Variants in SLIT1 observed in about 807,000 individuals in gnomAD.
The protein encoded by SLIT1 is slit guidance ligand 1.
Under a neutral mutation model 186.1 loss-of-function variants are expected in SLIT1, and 66 were observed. The observed-to-expected ratio is 0.35, with a 90% CI of 0.29 to 0.44. The LOEUF (loss-of-function observed/expected upper bound fraction) is 0.44, where lower values mean the gene tolerates loss of function less well. Ranked by LOEUF, SLIT1 falls within the 20% of genes least tolerant of loss-of-function variation. The pLI is 1.00. For synonymous variants in SLIT1, 761 were observed against 833.8 expected (o/e 0.91, Z 1.50); for missense variants, 1,638 against 2,037.4 (o/e 0.80, Z 3.77).
chr10:97,032,682 A>G (rs568907271), intron 23 of SLIT1, among the ~76,000 whole-genome samples: 1 of 152,326 alleles, frequency 6.6e-6, no homozygotes, highest in South Asian at 2.1e-4. Flanking sequence ...GAATCCATCC[A>G]GGGCAGACAG....
chr10:97,043,543 A>G lies in SLIT1; in HGVS notation c.1854-30T>C. The G allele has an allele frequency of 6.3e-7, 1 of 1,599,338 alleles. No individual in the cohort carries two copies. The highest frequency in any genetic ancestry group is 8.5e-7 in the Non-Finnish European group (1 of 1,171,512). ...GGAGGAACGGGGGAGGGAGGAGGGGACCCTTGCTGCCCTGCCAGCCATCCA... is the reference window on the plus strand; with the variant it reads ...GGAGGAACGGGGGAGGGAGGAGGGGGCCCTTGCTGCCCTGCCAGCCATCCA... On this transcript the variant is annotated intron_variant, in intron 18 of 36. Transcript: ENST00000266058. This position sits in a 1 kb window ranked among gnomAD's most constrained non-coding sequence, Gnocchi z 7.0.
intron 4 of SLIT1, among the ~76,000 whole-genome samples, chr10:97,148,559 C>T (rs1231496478): frequency 3.3e-5 from 5 of 152,144 alleles, no homozygotes; most frequent in African/African-American, 9.7e-5. Flanking sequence ...GGATTATAAG[C>T]GTGAGCCACC....
rs1314096438 is a variant in SLIT1 at position 97,142,771 on chromosome 10, C to CA, written c.413+15046dup. Among the ~76,000 whole-genome samples the CA allele has an allele frequency of 2.1e-4, 32 of 151,812 alleles. No individual in the cohort carries two copies. In the East Asian group the frequency reaches 2.1e-3, roughly 10 times the overall value. On this transcript the variant is annotated intron_variant, in intron 4 of 36. Transcript: ENST00000266058. ...ACAAAGAACTGCTGCAACTTAACAACAAAAAAAATCAAACAACCCAATTAA... is the reference window on the plus strand; with the variant it reads ...ACAAAGAACTGCTGCAACTTAACAACAAAAAAAAATCAAACAACCCAATTAA...
At chr10:97,169,973 C>T (rs1293190490) in intron 1 of SLIT1, among the ~76,000 whole-genome samples, 1 of 152,258 alleles carries the variant, frequency 6.6e-6, no homozygotes, top group African/African-American at 2.4e-5. Context: ...TGTTGCTGGA[C>T]TCTCCCTTTG....
At position 97,004,109 on chromosome 10, in the gene SLIT1, T is replaced by G; in HGVS notation, c.3824A>C (p.Lys1275Thr). 3.7e-6 allele frequency: 6 copies of G among 1,613,716 alleles called. No homozygotes were observed. The highest frequency in any genetic ancestry group is 5.1e-6 in the Non-Finnish European group (6 of 1,179,616). The part of the protein sequence containing the change: ...GSPMTMDNFG[K>T]HYTLNSEAPL... ...CGCCTCGCTGTTGAGCGTGTAATGT[T>G]TGCCAAAGTTGTCCATGGTCATGGG... The change falls in exon 34 of 37, where the codon AAA becomes ACA. Residue 1275 changes from lysine to threonine, a missense_variant. Around this residue, in one of 3 missense-constraint regions of SLIT1, gnomAD observed 173 missense variants for 290.9 expected, o/e 0.59. Transcript: ENST00000266058. The surrounding 1 kb of genome is among the most constrained non-coding windows in gnomAD (Gnocchi z 5.1).
chr10:97,031,702 G>A (rs1848592676), intron 23 of SLIT1, 25 bp from the exon 24 acceptor site: 1 of 1,543,070 alleles, frequency 6.5e-7, no homozygotes, highest in Non-Finnish European at 8.8e-7. Flanking sequence ...GATGGAGGAA[G>A]GGCACTGTGT....
rs368350713 is a variant in SLIT1, at chr10:97,018,721, C to T, written c.2872-38G>A. The T allele has an allele frequency of 3.6e-6, 5 of 1,401,274 alleles. No homozygotes were observed. The African/African-American group carries it at 7.1e-5, about 20-fold the overall frequency. The allele number at this position is 1,401,274 out of a possible 1,614,324, so 86.8% of individuals were successfully genotyped here. On this transcript the variant is annotated intron_variant, in intron 27 of 36. Transcript: ENST00000266058. The stretch of plus-strand genomic sequence containing the variant: ...TCAGTGATGGGGACCCCAGGGAGAC[C>T]CAGGAGTTAGTATGAGCCAACAGCC...
intron 28 of SLIT1, 133 bp from the exon 29 acceptor site, chr10:97,014,291 T>C (rs1564653681): frequency 4.9e-6 from 5 of 1,025,282 alleles, no homozygotes; most frequent in African/African-American, 1.6e-5. Flanking sequence ...AGGTGCTGGG[T>C]AGGGTTAGAG....
chr10:97,168,409 G>C (rs1174237547), intron 1 of SLIT1, among the ~76,000 whole-genome samples: 1 of 152,076 alleles, frequency 6.6e-6, no homozygotes, highest in Non-Finnish European at 1.5e-5. Flanking sequence ...GTTTTTGCTG[G>C]AAACGATTTT....
chr10:97,177,967 A>ACTCCATC, intron 1 of SLIT1, among the ~76,000 whole-genome samples: 1 of 152,018 alleles, frequency 6.6e-6, no homozygotes, highest in Non-Finnish European at 1.5e-5. Context: ...CAGAGCAAAA[A>ACTCCATC]CTCCATCTCA....
At chr10:97,082,528 G>A (rs1392520284) in intron 4 of SLIT1, among the ~76,000 whole-genome samples, 1 of 151,978 alleles carries the variant, frequency 6.6e-6, no homozygotes, top group Non-Finnish European at 1.5e-5. Flanking sequence ...TCCGCCTTCT[G>A]GGTTCACGTC....
chr10:97,142,434 G>T (rs1008922223), intron 4 of SLIT1, among the ~76,000 whole-genome samples: 1 of 152,144 alleles, frequency 6.6e-6, no homozygotes, highest in Non-Finnish European at 1.5e-5. Context: ...AAAGAATGAA[G>T]TTGGACCCTT....
Position 97,010,674 on chromosome 10 carries a change from GTAGA to G in SLIT1, c.3341+315_3341+318del, listed in dbSNP as rs1240890496. Among the ~76,000 whole-genome samples the G allele has an allele frequency of 6.6e-6, 1 of 152,184 alleles. No homozygotes were observed. The highest frequency in any genetic ancestry group is 1.5e-5 in the Non-Finnish European group (1 of 68,024). On this transcript the variant is annotated intron_variant, in intron 31 of 36. Transcript: ENST00000266058. The surrounding 1 kb of genome is among the most constrained non-coding windows in gnomAD (Gnocchi z 4.8). ...CCTCCCAGGGGAGCCCAGTGGGCTG[GTAGA>G]TAATCTTTGGGGCAAGACATGTCTT...
At chr10:97,168,315 TAAAG>T (rs965693742) in intron 1 of SLIT1, among the ~76,000 whole-genome samples, 1 of 152,010 alleles carries the variant, frequency 6.6e-6, no homozygotes, top group Non-Finnish European at 1.5e-5. Flanking sequence ...TCCCAAAAAA[TAAAG>T]AAAAAAATGA....
In SLIT1 at chr10:96,998,397, T is replaced by C. The variant is rs960882892; in HGVS notation, c.*2715A>G. ...CCAGCCTTTTCCACTTCCTGACACC[T>C]TCACCGGGAGCCCCGGCCCTGTTGC... On this transcript the variant is annotated 3_prime_UTR_variant, in exon 37 of 37. Transcript: ENST00000266058. 1.3e-5 allele frequency: 2 copies of C among 152,244 alleles called. No individual in the cohort carries two copies. Among genetic ancestry groups the C allele is most frequent in the African/African-American group, 4.8e-5 (2 of 41,452 alleles). 9.4% of individuals were successfully genotyped at this position (152,244 alleles called of 1,614,324 possible). A position where few individuals can be genotyped will look rare whatever the true frequency, so the allele number is the denominator to read the frequency against.
intron 4 of SLIT1, among the ~76,000 whole-genome samples, chr10:97,112,895 T>C (rs1849477390): frequency 6.6e-6 from 1 of 152,130 alleles, no homozygotes; most frequent in African/African-American, 2.4e-5. Context: ...GGTTTCACCA[T>C]GTTGCTCAGG....
chr10:97,028,298 G>A (rs886573256), intron 25 of SLIT1, among the ~76,000 whole-genome samples: 1 of 151,712 alleles, frequency 6.6e-6, no homozygotes, highest in African/African-American at 2.4e-5. Flanking sequence ...CTCACCCTCT[G>A]TATGTCACCA....
chr10:97,099,984 C>A (rs1849333764), intron 4 of SLIT1, among the ~76,000 whole-genome samples: 1 of 152,208 alleles, frequency 6.6e-6, no homozygotes, highest in South Asian at 2.1e-4. Flanking sequence ...ACAATATATA[C>A]TTAGAGTGTG....
intron 4 of SLIT1, among the ~76,000 whole-genome samples, chr10:97,117,505 G>A (rs998416994): frequency 6.6e-6 from 1 of 152,158 alleles, no homozygotes; most frequent in African/African-American, 2.4e-5. Context: ...ACTATTCAAG[G>A]TTATAAATCC....
Sources: allele counts gnomAD v4.1 joint callset (sites outside exome capture counted in the v4.1 genomes callset), GRCh38; gene constraint gnomAD v4.1.1; regional missense constraint gnomAD v4.1.1; non-coding constraint Gnocchi (gnomAD v3.1); transcripts MANE v1.5; gene names NCBI Gene and HGNC (gene_info 2026-07-23, HGNC 2026-07-21).